CALCR: variants seen among roughly 807,000 people sequenced by gnomAD.
CALCR encodes the protein calcitonin receptor.
Under a neutral mutation model 59.5 loss-of-function variants are expected in CALCR, and 47 were observed. The observed-to-expected ratio is 0.79, with a 90% CI of 0.63 to 1.01. CALCR has a LOEUF of 1.01. CALCR is among the 50% of genes least tolerant of loss of function. The pLI is 0.00. For synonymous variants in CALCR, 213 were observed against 211.3 expected, an observed-to-expected ratio of 1.01 and a Z score of -0.07; for missense variants, 566 against 597.1, an observed-to-expected ratio of 0.95 and a Z score of 0.54.
At position 93,494,925 on chromosome 7, in the gene CALCR, G is replaced by A. The variant is rs189498203; in HGVS notation, c.-26-7918C>T. 1.6e-4 allele frequency among the ~76,000 whole-genome samples: 25 copies of A among 151,538 alleles called. No individual in the cohort carries two copies. The East Asian group carries it at 4.5e-3, about 27-fold the overall frequency. On this transcript the variant is annotated intron_variant, in intron 2 of 13. Transcript: ENST00000426151. ...GGAAAATCCGGGATGAACTGACAGA[G>A]GCCAATGGCTTAGTTGAAGAGATGA...
At chr7:93,439,036 G>T (rs931791112) in intron 9 of CALCR, among the ~76,000 whole-genome samples, 1 of 151,786 alleles carries the variant, frequency 6.6e-6, no homozygotes, top group Non-Finnish European at 1.5e-5. Flanking sequence ...CATTAAAAAA[G>T]AAAAAATAAG....
chr7:93,487,091 T>C (rs945192727), intron 2 of CALCR, 84 bp from the exon 3 acceptor site: 17 of 731,778 alleles, frequency 2.3e-5, no homozygotes, highest in Non-Finnish European at 3.6e-5. Context: ...TTTTTCTATT[T>C]GACTTAAAGA....
At chr7:93,568,506 ACTTTCTCTCTCT>A (rs1789918113) in intron 2 of CALCR, among the ~76,000 whole-genome samples, 1 of 55,158 alleles carries the variant, frequency 1.8e-5, no homozygotes, top group South Asian at 7.4e-4. Context: ...CCATAAAATT[ACTTTCTCTCTCT>A]CTCTCTCTCT....
chr7:93,461,929 C>T (rs893026997), intron 7 of CALCR: 18 of 627,860 alleles, frequency 2.9e-5, no homozygotes, highest in East Asian at 5.8e-5. Context: ...CATGTGAGAG[C>T]GTAAAACATG....
At chr7:93,546,070 A>AT (rs200729200) in intron 2 of CALCR, among the ~76,000 whole-genome samples, 6 of 152,122 alleles carry the variant, frequency 3.9e-5, no homozygotes, top group Non-Finnish European at 7.4e-5. Flanking sequence ...ATTCTAAGAA[A>AT]TTTTTTTACC....
At chr7:93,445,984 G>A (rs1326851181) in intron 8 of CALCR, among the ~76,000 whole-genome samples, 1 of 152,040 alleles carries the variant, frequency 6.6e-6, no homozygotes, top group African/African-American at 2.4e-5. Flanking sequence ...GGCACAGAGA[G>A]CATTGCCTTC....
At chr7:93,490,346 A>G (rs1262899856) in intron 2 of CALCR, among the ~76,000 whole-genome samples, 1 of 151,860 alleles carries the variant, frequency 6.6e-6, no homozygotes, top group Admixed American at 6.6e-5. Flanking sequence ...ACCAGCATAG[A>G]CAAGAATACC....
rs145099858 is a variant in CALCR at position 93,493,336 on chromosome 7, A to C, written c.-26-6329T>G. Reference sequence around the variant, plus strand: ...CTCTGTCCATTTTCTTGCATTTCTCATATCAGTGTCTTCCACAATTATCCA... The same window carrying C: ...CTCTGTCCATTTTCTTGCATTTCTCCTATCAGTGTCTTCCACAATTATCCA... On this transcript the variant is annotated intron_variant, in intron 2 of 13. Coordinates refer to ENST00000426151, the MANE Select transcript of CALCR (RefSeq NM_001742.4). Among the ~76,000 whole-genome samples, 11 of 151,498 alleles carry C rather than the reference A, an allele frequency of 7.3e-5. No homozygotes were observed. In the East Asian group the frequency reaches 2.1e-3, roughly 30 times the overall value.
intron 9 of CALCR, chr7:93,441,600 C>G (rs1441139522): frequency 8.9e-6 from 4 of 450,966 alleles, no homozygotes; most frequent in Non-Finnish European, 1.8e-5. Flanking sequence ...TAAATTTTGA[C>G]CTGTTTTAGG....
At chr7:93,516,362 G>T (rs1188326862) in intron 2 of CALCR, among the ~76,000 whole-genome samples, 9 of 151,886 alleles carry the variant, frequency 5.9e-5, no homozygotes. Context: ...TGAATTCACT[G>T]CTCAGAATTT....
At chr7:93,438,672 G>A (rs1484685364) in intron 9 of CALCR, among the ~76,000 whole-genome samples, 1 of 152,188 alleles carries the variant, frequency 6.6e-6, no homozygotes, top group East Asian at 1.9e-4. Flanking sequence ...ACCTGGGACG[G>A]TGTATGAAAG....
rs1353016546 is a variant in CALCR at position 93,426,487 on chromosome 7, C to T, written c.1294G>A (p.Ala432Thr). 6.2e-7 allele frequency: 1 copy of T among 1,613,692 alleles called. No homozygotes were observed. The highest frequency in any genetic ancestry group is 8.5e-7 in the Non-Finnish European group (1 of 1,179,748). Reference sequence around the variant, plus strand: ...ATTGGGATGTCGCCAGCCTCCGCAGCAGCGGCTGCAGCGCGAGCAGAGCGG... The same window carrying T: ...ATTGGGATGTCGCCAGCCTCCGCAGTAGCGGCTGCAGCGCGAGCAGAGCGG... ...SNRSARAAAA[A>T]AEAGDIPIYI... Residue 432 changes from alanine to threonine, a missense_variant, in exon 14 of 14, where the codon GCT (alanine) becomes ACT (threonine). By Grantham distance (58) the Ala-to-Thr change is moderately conservative. Coordinates refer to ENST00000426151, the MANE Select transcript of CALCR (RefSeq NM_001742.4).
At chr7:93,545,442 C>T (rs1220133543) in intron 2 of CALCR, among the ~76,000 whole-genome samples, 3 of 152,038 alleles carry the variant, frequency 2.0e-5, no homozygotes, top group African/African-American at 2.4e-5. Flanking sequence ...AGAAATTTAA[C>T]GTGGTATGTC....
intron 2 of CALCR, among the ~76,000 whole-genome samples, chr7:93,504,088 T>C (rs1362459148): frequency 2.0e-5 from 3 of 152,188 alleles, no homozygotes; most frequent in Non-Finnish European, 2.9e-5. Flanking sequence ...GGGAAATTAA[T>C]CTCAGTGGCC....
rs113817621 is a variant in CALCR, at chr7:93,572,895, G to T, written c.-27+1394C>A. On this transcript the variant is annotated intron_variant, in intron 2 of 13. Coordinates refer to ENST00000426151, the MANE Select transcript of CALCR (RefSeq NM_001742.4). ...TTGATGTAGCCAATGAATAAACTTA[G>T]AACATTTTATAATATGACCAGATAT... 3.4e-3 allele frequency among the ~76,000 whole-genome samples: 521 copies of T among 152,224 alleles called. 3 individuals are homozygous for T. The highest frequency in any genetic ancestry group is 5.8e-3 in the Non-Finnish European group (397 of 67,996).
At chr7:93,453,134 C>G (rs748996270) in intron 8 of CALCR, among the ~76,000 whole-genome samples, 20 of 152,000 alleles carry the variant, frequency 1.3e-4, no homozygotes, top group Non-Finnish European at 2.4e-4. Flanking sequence ...CAGAAATGAA[C>G]AAGGTGCCAC....
chr7:93,524,181 T>C (rs906398504), intron 2 of CALCR, among the ~76,000 whole-genome samples: 132 of 151,124 alleles, frequency 8.7e-4, no homozygotes, highest in African/African-American at 2.6e-3. Flanking sequence ...TTTCTTTTTT[T>C]TTTTTTTGAG....
intron 2 of CALCR, among the ~76,000 whole-genome samples, chr7:93,554,835 T>C (rs1351337220): frequency 6.7e-6 from 1 of 149,216 alleles, no homozygotes; most frequent in African/African-American, 2.5e-5. Context: ...TATCACTATT[T>C]GAGCACTTAT....
chr7:93,480,670 A>G (rs1429660725), intron 3 of CALCR, among the ~76,000 whole-genome samples: 2 of 151,872 alleles, frequency 1.3e-5, no homozygotes, highest in African/African-American at 4.8e-5. Context: ...ACGACAGCAC[A>G]TCACTAACTG....
Sources: gnomAD v4.1 joint callset for allele counts (sites outside exome capture counted in the v4.1 genomes callset) on GRCh38, gnomAD v4.1.1 for gene constraint, MANE v1.5 for transcripts, NCBI Gene and HGNC (gene_info 2026-07-23, HGNC 2026-07-21) for gene names.